ARSG: variants seen among roughly 807,000 people sequenced by gnomAD.
ARSG encodes the protein ASG.
Under a neutral mutation model 50.5 loss-of-function variants are expected in ARSG, and 37 were observed. The ratio of observed to expected loss-of-function variants is 0.73; its 90% CI spans 0.56 to 0.96. The LOEUF is 0.96. Among genes scored for constraint, ARSG ranks in the 50% least tolerant of loss-of-function variants. ARSG has a pLI of 0.00. For missense variants in ARSG, 629 were observed against 675.3 expected (o/e 0.93, Z 0.76); for synonymous variants, 225 against 254.6 (o/e 0.88, Z 1.11).
At chr17:68,362,186 C>T (rs967680097) in intron 6 of ARSG, among the ~76,000 whole-genome samples, 1 of 152,072 alleles carries the variant, frequency 6.6e-6, no homozygotes, top group South Asian at 2.1e-4. Flanking sequence ...GTCTTCATTG[C>T]TGGCCCCCAT....
chr17:68,387,089 A>T (rs1015162187), intron 9 of ARSG, among the ~76,000 whole-genome samples: 1,677 of 136,770 alleles, frequency 0.012, 41 homozygotes, highest in African/African-American at 0.054. Flanking sequence ...TCACACACAC[A>T]CACACACACA....
At chr17:68,287,741 G>A (rs1555754704), upstream of ARSG, among the ~76,000 whole-genome samples, 1 of 151,964 alleles carries the variant, frequency 6.6e-6, no homozygotes, top group Non-Finnish European at 1.5e-5. Context: ...ATTTAGCTTT[G>A]AAGATAAGAC....
chr17:68,306,505 A>G (rs2076615367), intron 1 of ARSG, among the ~76,000 whole-genome samples: 1 of 152,252 alleles, frequency 6.6e-6, no homozygotes, highest in Non-Finnish European at 1.5e-5. Flanking sequence ...GGCCTAGGCA[A>G]CGTAGCAGGA....
intron 7 of ARSG, among the ~76,000 whole-genome samples, chr17:68,369,047 C>A (rs1031074681): frequency 6.6e-6 from 1 of 152,210 alleles, no homozygotes; most frequent in African/African-American, 2.4e-5. Flanking sequence ...ACATTGTGAG[C>A]CTGTGTTGTC....
At chr17:68,311,800 CTT>C (rs36097952) in intron 2 of ARSG, among the ~76,000 whole-genome samples, 26 of 116,360 alleles carry the variant, frequency 2.2e-4, no homozygotes, top group African/African-American at 5.2e-4. Context: ...CTGTACTGTA[CTT>C]TTTTTTTTTT....
At chr17:68,360,840 T>C (rs2079248670) in intron 6 of ARSG, among the ~76,000 whole-genome samples, 1 of 152,120 alleles carries the variant, frequency 6.6e-6, no homozygotes, top group African/African-American at 2.4e-5. Context: ...TTTTCTTTTT[T>C]TGAGACTGAG....
chr17:68,278,848 G>C (rs1395760810), intron 1 of ARSG, among the ~76,000 whole-genome samples: 1 of 151,864 alleles, frequency 6.6e-6, no homozygotes, highest in East Asian at 1.9e-4. Flanking sequence ...TCAAACTCCT[G>C]ACCTCAAGGG....
chr17:68,377,746 G>A (rs999142743), intron 8 of ARSG, among the ~76,000 whole-genome samples: 4 of 152,192 alleles, frequency 2.6e-5, no homozygotes, highest in East Asian at 1.9e-4. Context: ...AACTTAAATC[G>A]CATACAGATA....
At chr17:68,352,092 A>AGAGAGAGAGAGAGAGAGAGAGAGAGAG (rs2078799747) in intron 5 of ARSG, among the ~76,000 whole-genome samples, 1 of 104,574 alleles carries the variant, frequency 9.6e-6, no homozygotes, top group African/African-American at 4.4e-5. Flanking sequence ...GACAGAGGAG[A>AGAGAGAGAGAGAGAGAGAGAGAGAGAG]GAGAGAGAGA....
At chr17:68,349,021 G>T (rs535941516) in intron 4 of ARSG, among the ~76,000 whole-genome samples, 26 of 152,250 alleles carry the variant, frequency 1.7e-4, no homozygotes, top group African/African-American at 6.3e-4. Context: ...AAACAGCAAG[G>T]CCAAGCATGG....
chr17:68,327,473 G>A (rs1555772874), intron 2 of ARSG, among the ~76,000 whole-genome samples: 1 of 152,078 alleles, frequency 6.6e-6, no homozygotes, highest in African/African-American at 2.4e-5. Context: ...TCCTTGGCTT[G>A]TGCTGGCATC....
chr17:68,430,182 A>G, the ARSG span: 2 of 1,602,008 alleles, frequency 1.2e-6, no homozygotes, highest in Non-Finnish European at 1.7e-6. Flanking sequence ...TGCACAGGCA[A>G]CGATGGGACT....
chr17:68,327,834 G>A (rs1340150663), intron 2 of ARSG, among the ~76,000 whole-genome samples: 1 of 152,126 alleles, frequency 6.6e-6, no homozygotes, highest in Non-Finnish European at 1.5e-5. Flanking sequence ...CTACAAAATG[G>A]CATGACCAAT....
intron 1 of ARSG, among the ~76,000 whole-genome samples, chr17:68,293,520 A>AT (rs2076095416): frequency 6.6e-6 from 1 of 150,378 alleles, no homozygotes; most frequent in Admixed American, 6.6e-5. Flanking sequence ...ATAATAATAG[A>AT]TTTTTGTTAC....
At chr17:68,450,109 G>A in the ARSG span, among the ~76,000 whole-genome samples, 3 of 152,108 alleles carry the variant, frequency 2.0e-5, no homozygotes, top group South Asian at 4.1e-4. Context: ...TATTTTAAAA[G>A]AGAACATATT....
At chr17:68,296,440 A>G (rs1479749307) in intron 1 of ARSG, among the ~76,000 whole-genome samples, 1 of 152,130 alleles carries the variant, frequency 6.6e-6, no homozygotes, top group African/African-American at 2.4e-5. Context: ...TTCCATTTTA[A>G]CCCTTTAGGA....
chr17:68,433,500 T>A, the ARSG span: 2 of 1,614,108 alleles, frequency 1.2e-6, no homozygotes, highest in Non-Finnish European at 1.7e-6. Flanking sequence ...TGAAGATGTG[T>A]ACCGTCTCGG....
At chr17:68,312,763 G>A (rs1035384494) in intron 2 of ARSG, among the ~76,000 whole-genome samples, 1 of 152,100 alleles carries the variant, frequency 6.6e-6, no homozygotes, top group African/African-American at 2.4e-5. Flanking sequence ...CTGATTCATC[G>A]CTGGTTTCTC....
At position 68,271,371 on chromosome 17, in the gene ARSG, G is replaced by A. The variant is rs142658044; in HGVS notation, c.-552+11945G>A. The A allele has an allele frequency of 1.3e-5, 21 of 1,614,058 alleles. No homozygotes were observed. The highest frequency in any genetic ancestry group is 2.7e-5 in the African/African-American group (2 of 75,036). On this transcript the variant is annotated intron_variant, in intron 1 of 11. Transcript: ENST00000448504. The surrounding 1 kb of genome is among the most constrained non-coding windows in gnomAD (Gnocchi z 5.3). ...TCTTCACCAGGACCTGCTGCATGTC[G>A]GCCTTCGGCTCCAGTTCCAGGTTAG...
Sources: allele counts gnomAD v4.1 joint callset (sites outside exome capture counted in the v4.1 genomes callset), GRCh38; gene constraint gnomAD v4.1.1; non-coding constraint Gnocchi (gnomAD v3.1); transcripts MANE v1.5; gene names NCBI Gene and HGNC (gene_info 2026-07-23, HGNC 2026-07-21).